GLB1: variants seen among roughly 807,000 people sequenced by gnomAD.
GLB1 encodes galactosidase beta 1, also known as beta-galactosidase.
In GLB1, 56 loss-of-function variants were observed where a neutral mutation model predicts 74.0. The ratio of observed to expected loss-of-function variants is 0.76; its 90% CI spans 0.61 to 0.94. GLB1 has a LOEUF of 0.94. GLB1 is among the 40% of genes least tolerant of loss of function. GLB1 has a pLI of 0.00. For missense variants in GLB1, 787 were observed against 845.5 expected (o/e 0.93, Z 0.86); for synonymous variants, 323 against 323.6 (o/e 1.00, Z 0.02).
rs777332125 is a variant in GLB1, at chr3:32,997,213, C to T, written c.1866G>A (p.Glu622=). The change falls in exon 16 of 16, where the codon GAG becomes GAA. Residue 622 remains glutamate, a synonymous_variant. Transcript: ENST00000307363. ...APNTITVLEL[E]WAPCSSDDPE... Reference sequence around the variant, plus strand: ...GATCATCACTGCTGCAGGGTGCCCACTCCAGTTCCAGCACGGTGATGGTGT... The same window carrying T: ...GATCATCACTGCTGCAGGGTGCCCATTCCAGTTCCAGCACGGTGATGGTGT... 1.2e-6 allele frequency: 2 copies of T among 1,614,170 alleles called. No homozygotes were observed. The highest frequency in any genetic ancestry group is 1.1e-5 in the South Asian group (1 of 91,086).
rs1375909576 is a variant in GLB1, at chr3:32,997,227, C to T, written c.1852G>A (p.Val618Met). The T allele has an allele frequency of 9.3e-6, 15 of 1,614,048 alleles. 1 individual carries two copies. The highest frequency in any genetic ancestry group is 6.7e-5 in the African/African-American group (5 of 74,914). The change falls in exon 16 of 16, where the codon GTG becomes ATG. Residue 618 changes from valine (V) to methionine (M), a missense_variant. Coordinates refer to ENST00000307363, the MANE Select transcript of GLB1 (RefSeq NM_000404.4). ...LMTSAPNTIT[V>M]LELEWAPCSS... ...CAGGGTGCCCACTCCAGTTCCAGCA[C>T]GGTGATGGTGTTTGGGGCCGAGGTC... is the stretch of plus-strand genomic sequence containing the variant.
At chr3:32,989,339 C>G in the GLB1 span, among the ~76,000 whole-genome samples, 1 of 152,204 alleles carries the variant, frequency 6.6e-6, no homozygotes, top group Non-Finnish European at 1.5e-5. Context: ...GTTCCACGTA[C>G]CTTCTCTCTG....
At chr3:32,995,428 G>A (rs1237868607), downstream of GLB1, among the ~76,000 whole-genome samples, 1 of 152,010 alleles carries the variant, frequency 6.6e-6, no homozygotes. Context: ...CACCTCCTTC[G>A]CCCTGTGATC....
At chr3:33,090,843 A>C (rs543876565) in intron 1 of GLB1, 1 of 985,426 alleles carries the variant, frequency 1.0e-6, no homozygotes. Flanking sequence ...TCAGTCAAGC[A>C]AGGACTTCAG....
intron 10 of GLB1, among the ~76,000 whole-genome samples, chr3:33,026,576 T>C (rs1025630404): frequency 6.6e-6 from 1 of 152,096 alleles, no homozygotes; most frequent in Admixed American, 6.5e-5. Flanking sequence ...GCCACTAGTC[T>C]CATGGACCAG....
At chr3:32,986,837 C>T in the GLB1 span, among the ~76,000 whole-genome samples, 2 of 152,244 alleles carry the variant, frequency 1.3e-5, no homozygotes, top group South Asian at 2.1e-4. Context: ...ATGATCCACT[C>T]GCCTTCGCCT....
the GLB1 span, among the ~76,000 whole-genome samples, chr3:32,977,065 T>C: frequency 6.6e-6 from 1 of 152,144 alleles, no homozygotes; most frequent in Non-Finnish European, 1.5e-5. Context: ...CTAAAGAATG[T>C]GTAGGATGGT....
chr3:32,990,434 A>T, the GLB1 span, among the ~76,000 whole-genome samples: 2 of 152,202 alleles, frequency 1.3e-5, no homozygotes, highest in East Asian at 3.8e-4. Flanking sequence ...AATGTGTCCT[A>T]CACAGTGGCA....
At chr3:33,086,700 T>C (rs1463384475) in intron 1 of GLB1, among the ~76,000 whole-genome samples, 1 of 152,146 alleles carries the variant, frequency 6.6e-6, no homozygotes, top group South Asian at 2.1e-4. Context: ...AATATGAACA[T>C]GTTAAATGAC....
chr3:33,069,102 A>G (rs1322748445), intron 2 of GLB1, 132 bp from the exon 3 acceptor site: 2 of 1,489,612 alleles, frequency 1.3e-6, no homozygotes, highest in Non-Finnish European at 1.8e-6. Context: ...AAGAAAAATT[A>G]TCCAAGGCTG....
At chr3:32,986,528 G>A in the GLB1 span, among the ~76,000 whole-genome samples, 2 of 151,648 alleles carry the variant, frequency 1.3e-5, no homozygotes, top group East Asian at 1.9e-4. Flanking sequence ...GCCCATCCCC[G>A]TCACCTATGT....
chr3:33,018,447 C>T lies in GLB1; in HGVS notation c.1347+1G>A, dbSNP rs757256051. The T allele has an allele frequency of 1.2e-6, 2 of 1,613,946 alleles. No individual in the cohort carries two copies. Among genetic ancestry groups the T allele is most frequent in the African/African-American group, 1.3e-5 (1 of 74,990 alleles). On this transcript the variant is annotated splice_donor_variant, in intron 13 of 15. Coordinates refer to ENST00000307363, the MANE Select transcript of GLB1 (RefSeq NM_000404.4). LOFTEE classifies it high-confidence loss of function. ...ACGCACAGTTCAGAGACGATTCTTACCCCATCCACAGCAACATATGCTCGA... is the reference window on the plus strand; with the variant it reads ...ACGCACAGTTCAGAGACGATTCTTATCCCATCCACAGCAACATATGCTCGA...
Position 33,009,725 on chromosome 3 carries a change from A to G in GLB1, c.1734+4331T>C, listed in dbSNP as rs552583614. 3.3e-5 allele frequency among the ~76,000 whole-genome samples: 5 copies of G among 152,340 alleles called. No individual in the cohort carries two copies. In the East Asian group the frequency reaches 9.6e-4, roughly 29 times the overall value. On this transcript the variant is annotated intron_variant, in intron 15 of 15. Coordinates refer to ENST00000307363, the MANE Select transcript of GLB1 (RefSeq NM_000404.4). ...ATCATTCAAGTTAGTTTCAGAGCAT[A>G]TCCATCAGCTCCAATAGAAACCCCA...
At chr3:32,986,937 C>G in the GLB1 span, among the ~76,000 whole-genome samples, 1 of 152,166 alleles carries the variant, frequency 6.6e-6, no homozygotes, top group Non-Finnish European at 1.5e-5. Context: ...TTCACCTGAC[C>G]AACTATTGCT....
chr3:33,011,442 T>C (rs552103961), intron 15 of GLB1, among the ~76,000 whole-genome samples: 1 of 121,054 alleles, frequency 8.3e-6, no homozygotes, highest in African/African-American at 3.2e-5. Context: ...CCGTCTCCAA[T>C]AAAAATAAAA....
intron 1 of GLB1, 84 bp downstream of exon 1, chr3:33,096,927 C>G: frequency 6.5e-7 from 1 of 1,546,790 alleles, no homozygotes; most frequent in Admixed American, 2.0e-5. Context: ...CCTGCGGGAC[C>G]GCGGGTGGCT....
In GLB1 at chr3:33,072,654, G is replaced by A; in HGVS notation, c.135C>T (p.Gly45=). 3 of 1,614,118 alleles carry A rather than the reference G, an allele frequency of 1.9e-6. No individual in the cohort carries two copies. The highest frequency in any genetic ancestry group is 2.5e-6 in the Non-Finnish European group (3 of 1,180,026). ...TTCCTGAGATGTAGCGAAATGGCTG[G>A]CCATCCTTGAGGAAGGAGTCCCGGC... ...DYSRDSFLKD[G]QPFRYISGSI... Residue 45 remains glycine (G), a synonymous_variant, in exon 2 of 16, where the codon GGC becomes GGT. Coordinates refer to ENST00000307363, the MANE Select transcript of GLB1 (RefSeq NM_000404.4).
In GLB1 at chr3:33,003,571, T is replaced by C. The variant is rs1040953779; in HGVS notation, c.1735-6227A>G. 1.1e-4 allele frequency among the ~76,000 whole-genome samples: 17 copies of C among 152,332 alleles called. 1 individual carries two copies. Among genetic ancestry groups the C allele is most frequent in the Middle Eastern group, 3.4e-3 (1 of 294 alleles). ...ACTTGTGCAACTGGAAACAGTGAATTAGACGGAAATAGTAGGTCTTGTAGG... is the reference window on the plus strand; with the variant it reads ...ACTTGTGCAACTGGAAACAGTGAATCAGACGGAAATAGTAGGTCTTGTAGG... On this transcript the variant is annotated intron_variant, in intron 15 of 15. Transcript: ENST00000307363.
the GLB1 span, among the ~76,000 whole-genome samples, chr3:32,968,873 T>A: frequency 6.6e-6 from 1 of 152,248 alleles, no homozygotes; most frequent in Non-Finnish European, 1.5e-5. Flanking sequence ...GACATACTTA[T>A]CCAGGCAATT....
Sources: allele counts gnomAD v4.1 joint callset (sites outside exome capture counted in the v4.1 genomes callset), GRCh38; gene constraint gnomAD v4.1.1; transcripts MANE v1.5; gene names NCBI Gene and HGNC (gene_info 2026-07-23, HGNC 2026-07-21).